The following RORA variants were observed in gnomAD, a reference collection of about 807,000 sequenced individuals.
RORA encodes the protein RAR related orphan receptor A, also known as nuclear receptor ROR-alpha.
A neutral mutation model predicts 69.5 loss-of-function variants in RORA; 7 were observed. The ratio of observed to expected loss-of-function variants is 0.10; its 90% CI spans 0.06 to 0.19. RORA has a LOEUF of 0.19. RORA is among the 10% of genes least tolerant of loss of function. The probability of loss-of-function intolerance (pLI) is 1.00; values close to 1 mark genes in which losing one functional copy is unlikely to be tolerated. For missense variants in RORA, 457 were observed against 663.0 expected (o/e 0.69, Z 3.41); for synonymous variants, 261 against 240.8 (o/e 1.08, Z -0.78).
intron 10 of RORA, among the ~76,000 whole-genome samples, chr15:60,498,151 A>G (rs955998897): frequency 1.2e-4 from 19 of 152,232 alleles, no homozygotes; most frequent in African/African-American, 4.1e-4. Flanking sequence ...TAATTCAATA[A>G]CTAGAAAAGA....
rs1405226766 is a variant in RORA, at chr15:60,490,414, T to C, written c.*7041A>G. The stretch of plus-strand genomic sequence containing the variant: ...TTGATAAACAGATAAATATTTGCAC[T>C]GAGTAGGCTGTTTATAATATAACAT... On this transcript the variant is annotated 3_prime_UTR_variant, in exon 11 of 11. Transcript: ENST00000335670. The surrounding 1 kb of genome is among the most constrained non-coding windows in gnomAD (Gnocchi z 4.1). 1 of 152,144 alleles carries C rather than the reference T, an allele frequency of 6.6e-6. No individual in the cohort carries two copies. Among genetic ancestry groups the C allele is most frequent in the African/African-American group, 2.4e-5 (1 of 41,446 alleles). 9.4% of individuals were successfully genotyped at this position (152,144 alleles called of 1,614,324 possible). A position where few individuals can be genotyped will look rare whatever the true frequency, so the allele number is the denominator to read the frequency against.
At chr15:60,627,364 C>A in intron 2 of RORA, 3 of 1,614,174 alleles carry the variant, frequency 1.9e-6, no homozygotes, top group Non-Finnish European at 2.5e-6. Context: ...TCCTGGGGCC[C>A]CCTCATTCAT....
intron 1 of RORA, among the ~76,000 whole-genome samples, chr15:60,878,868 T>C (rs1384987488): frequency 6.6e-6 from 1 of 152,216 alleles, no homozygotes; most frequent in Non-Finnish European, 1.5e-5. Context: ...TGGTGTCTTA[T>C]CCTACAATGT....
At chr15:60,637,862 C>G (rs901946887) in intron 2 of RORA, among the ~76,000 whole-genome samples, 1 of 150,714 alleles carries the variant, frequency 6.6e-6, no homozygotes, top group East Asian at 1.9e-4. Flanking sequence ...ATTCTTATTT[C>G]TTTCAACTTA....
intron 1 of RORA, among the ~76,000 whole-genome samples, chr15:61,011,569 T>C (rs1365203691): frequency 6.6e-6 from 1 of 152,130 alleles, no homozygotes; most frequent in South Asian, 2.1e-4. Flanking sequence ...AAGGGAGATA[T>C]TGGCAAAATA....
At chr15:61,218,891 G>C (rs929309437) in intron 1 of RORA, among the ~76,000 whole-genome samples, 1 of 152,158 alleles carries the variant, frequency 6.6e-6, no homozygotes, top group African/African-American at 2.4e-5. Context: ...TCTAGACAAG[G>C]TACAGCCTTA....
intron 1 of RORA, among the ~76,000 whole-genome samples, chr15:61,122,887 G>A (rs968729598): frequency 4.6e-5 from 7 of 152,038 alleles, no homozygotes; most frequent in African/African-American, 1.4e-4. Flanking sequence ...AAATATATTC[G>A]GGCAGCTTCA....
intron 6 of RORA, among the ~76,000 whole-genome samples, chr15:60,504,090 C>T (rs116245443): frequency 0.014 from 2,106 of 152,098 alleles, 41 homozygotes; most frequent in African/African-American, 0.047. Flanking sequence ...GATGAGCCAC[C>T]GTGCCCGGTC....
intron 1 of RORA, among the ~76,000 whole-genome samples, chr15:60,761,173 A>G (rs1241131702): frequency 6.6e-6 from 1 of 152,122 alleles, no homozygotes; most frequent in Non-Finnish European, 1.5e-5. Flanking sequence ...GCCTCTTCGA[A>G]GCAGCAGGAT....
At chr15:61,163,728 A>G (rs1335836160) in intron 1 of RORA, among the ~76,000 whole-genome samples, 1 of 152,140 alleles carries the variant, frequency 6.6e-6, no homozygotes, top group African/African-American at 2.4e-5. Flanking sequence ...GTCACAGGAA[A>G]TCTGGTGTCA....
chr15:61,203,847 A>C (rs1313575805), intron 1 of RORA, among the ~76,000 whole-genome samples: 1 of 152,244 alleles, frequency 6.6e-6, no homozygotes, highest in Non-Finnish European at 1.5e-5. Context: ...GACTGACAGC[A>C]AACTTATCAT....
chr15:60,844,115 T>G (rs2073235408), intron 1 of RORA, among the ~76,000 whole-genome samples: 1 of 152,218 alleles, frequency 6.6e-6, no homozygotes, highest in Non-Finnish European at 1.5e-5. Flanking sequence ...CCTCTGGCTC[T>G]TCTCTCCTAG....
At chr15:61,112,159 T>G (rs987419476) in intron 1 of RORA, among the ~76,000 whole-genome samples, 14 of 152,362 alleles carry the variant, frequency 9.2e-5, no homozygotes, top group Admixed American at 6.5e-4. Context: ...GTAAGCCTTT[T>G]AAACCTTGCC....
intron 1 of RORA, among the ~76,000 whole-genome samples, chr15:61,113,605 C>T (rs1254432361): frequency 1.3e-5 from 2 of 152,220 alleles, no homozygotes; most frequent in Non-Finnish European, 2.9e-5. Flanking sequence ...CCCAAGTCCA[C>T]ATTTTGCAGA....
At chr15:60,985,844 T>C (rs1447012805) in intron 1 of RORA, among the ~76,000 whole-genome samples, 2 of 152,198 alleles carry the variant, frequency 1.3e-5, no homozygotes, top group African/African-American at 4.8e-5. Context: ...CCTCCCAAAA[T>C]GCTGGGATTA....
chr15:60,619,217 A>G (rs1326754035), intron 2 of RORA, among the ~76,000 whole-genome samples: 1 of 152,256 alleles, frequency 6.6e-6, no homozygotes, highest in African/African-American at 2.4e-5. Context: ...TTAAAGCATG[A>G]TCGTGGTAAC....
intron 1 of RORA, among the ~76,000 whole-genome samples, chr15:61,102,787 T>C (rs1053122699): frequency 6.6e-6 from 1 of 152,148 alleles, no homozygotes; most frequent in Non-Finnish European, 1.5e-5. Flanking sequence ...CTAGCTTTTC[T>C]TGCTTGACCC....
chr15:60,701,239 G>C (rs1410054033), intron 1 of RORA, among the ~76,000 whole-genome samples: 1 of 152,174 alleles, frequency 6.6e-6, no homozygotes, highest in Non-Finnish European at 1.5e-5. Context: ...GCACATAATA[G>C]CTTCTTGGAA....
chr15:61,039,041 T>A (rs1304874631), intron 1 of RORA: 1 of 152,232 alleles, frequency 6.6e-6, no homozygotes, highest in Admixed American at 6.5e-5. Context: ...ACTCACGGGA[T>A]ATTTGTGAGG....
Sources: gnomAD v4.1 joint callset for allele counts (sites outside exome capture counted in the v4.1 genomes callset) on GRCh38, gnomAD v4.1.1 for gene constraint, Gnocchi (gnomAD v3.1) non-coding constraint, MANE v1.5 for transcripts, NCBI Gene and HGNC (gene_info 2026-07-23, HGNC 2026-07-21) for gene names.